ZNF664: variants seen among roughly 807,000 people sequenced by gnomAD.
ZNF664 encodes zinc finger Organ of Corti 1.
In ZNF664, 10 loss-of-function variants were observed where a neutral mutation model predicts 18.2. That is an observed-to-expected ratio of 0.55 (90% CI 0.34 to 0.93). ZNF664 has a LOEUF of 0.93. Among genes scored for constraint, ZNF664 ranks in the 40% least tolerant of loss-of-function variants. ZNF664 has a pLI of 0.02. For missense variants in ZNF664, 193 were observed against 319.0 expected, an observed-to-expected ratio of 0.61 and a Z score of 3.01; for synonymous variants, 119 against 104.2, an observed-to-expected ratio of 1.14 and a Z score of -0.86.
At chr12:123,986,829 A>T (rs1956831039) in intron 2 of ZNF664, among the ~76,000 whole-genome samples, 1 of 152,164 alleles carries the variant, frequency 6.6e-6, no homozygotes, top group Non-Finnish European at 1.5e-5. Context: ...GGAGGAAAAA[A>T]CCTGGCCCAA....
chr12:123,993,757 A>G lies in ZNF664; in HGVS notation c.-661+5619A>G, dbSNP rs192358048. 1.1e-4 allele frequency among the ~76,000 whole-genome samples: 17 copies of G among 152,282 alleles called. No individual in the cohort carries two copies. The East Asian group carries it at 2.9e-3, about 26-fold the overall frequency. On this transcript the variant is annotated intron_variant, in intron 3 of 4. Coordinates refer to ENST00000337815, the MANE Select transcript of ZNF664 (RefSeq NM_152437.3). ...AGGCCTGTAGAAAAAGGCTGAGCAG[A>G]GGTTCTCTTGGAGTTGTTTTATCTG... is the stretch of plus-strand genomic sequence containing the variant.
intron 3 of ZNF664, among the ~76,000 whole-genome samples, chr12:123,993,049 C>T (rs1048562511): frequency 9.2e-5 from 14 of 152,170 alleles, no homozygotes; most frequent in Non-Finnish European, 1.5e-4. Flanking sequence ...GAGGTGCTGT[C>T]GGCTGGAGGA....
intron 2 of ZNF664, among the ~76,000 whole-genome samples, chr12:123,987,046 CTA>C (rs1956833730): frequency 6.6e-6 from 1 of 152,204 alleles, no homozygotes; most frequent in Non-Finnish European, 1.5e-5. Flanking sequence ...CTACAGGACT[CTA>C]TTTCTAATGT....
At chr12:123,974,168 G>C (rs1302424687) in intron 2 of ZNF664, 148 bp downstream of exon 2, 1 of 492,452 alleles carries the variant, frequency 2.0e-6, no homozygotes, top group Non-Finnish European at 3.2e-6. Flanking sequence ...TTCCCGTCCG[G>C]ATCCATCTCT....
chr12:123,989,050 T>G (rs933408572), intron 3 of ZNF664, among the ~76,000 whole-genome samples: 1 of 152,222 alleles, frequency 6.6e-6, no homozygotes, highest in African/African-American at 2.4e-5. Context: ...CCTGGGCTTC[T>G]GCCTTCCCAG....
chr12:123,973,294 G>A lies in ZNF664; in HGVS notation c.-950G>A, dbSNP rs1177044848. 1.0e-5 allele frequency: 10 copies of A among 984,000 alleles called. No homozygotes were observed. Among genetic ancestry groups the A allele is most frequent in the Non-Finnish European group, 1.2e-5 (10 of 829,736 alleles). The allele number at this position is 984,000 out of a possible 1,614,324, so 61.0% of individuals were successfully genotyped here. ...AGGCGCACCTGTGAGGTGTCCCTGA[G>A]GAGAGGGAGGTGGGTGCGCGGCGCC... On this transcript the variant is annotated 5_prime_UTR_variant, in exon 1 of 5. Coordinates refer to ENST00000337815, the MANE Select transcript of ZNF664 (RefSeq NM_152437.3).
At chr12:124,009,740 T>C (rs1403573345) in intron 3 of ZNF664, among the ~76,000 whole-genome samples, 1 of 152,190 alleles carries the variant, frequency 6.6e-6, no homozygotes, top group Non-Finnish European at 1.5e-5. Context: ...GGTCTCAGAC[T>C]CCTAGCCTCA....
At chr12:123,975,133 C>T (rs1479105628) in intron 2 of ZNF664, among the ~76,000 whole-genome samples, 2 of 152,092 alleles carry the variant, frequency 1.3e-5, no homozygotes, top group East Asian at 3.8e-4. Flanking sequence ...CTGTCTGCTC[C>T]ATAGAGTTCA....
intron 1 of ZNF664, 171 bp from the exon 2 acceptor site, chr12:123,973,712 ATTG>A: frequency 1.8e-6 from 2 of 1,119,786 alleles, no homozygotes; most frequent in Non-Finnish European, 2.2e-6. Context: ...GCCAGGCTCC[ATTG>A]TTGTTGGAGC....
intron 3 of ZNF664, among the ~76,000 whole-genome samples, chr12:123,990,926 A>G (rs1028016500): frequency 3.9e-5 from 6 of 152,124 alleles, no homozygotes. Context: ...CTTGTTCCTG[A>G]GGAGGCATGA....
At chr12:123,983,325 A>G (rs1956788201) in intron 2 of ZNF664, among the ~76,000 whole-genome samples, 1 of 152,242 alleles carries the variant, frequency 6.6e-6, no homozygotes. Context: ...TTTTAAAAAT[A>G]TAATTCGTAT....
At chr12:124,003,865 C>G (rs1299172699) in intron 3 of ZNF664, among the ~76,000 whole-genome samples, 2 of 152,178 alleles carry the variant, frequency 1.3e-5, no homozygotes, top group African/African-American at 4.8e-5. Context: ...TAGGGGCACT[C>G]CAGTGCCCAT....
At chr12:123,995,700 C>T (rs1384379679) in intron 3 of ZNF664, among the ~76,000 whole-genome samples, 2 of 152,194 alleles carry the variant, frequency 1.3e-5, no homozygotes, top group Non-Finnish European at 2.9e-5. Context: ...CGTGGAGGAA[C>T]CCAGTAGCGC....
rs1957138800 is a variant in ZNF664 at position 124,011,851 on chromosome 12, A to G, written c.-294A>G. 5 of 1,200,942 alleles carry G rather than the reference A, an allele frequency of 4.2e-6. No homozygotes were observed. The highest frequency in any genetic ancestry group is 5.2e-6 in the Non-Finnish European group (5 of 969,230). 74.4% of individuals were successfully genotyped at this position (1,200,942 alleles called of 1,614,324 possible). On this transcript the variant is annotated 5_prime_UTR_variant, in exon 5 of 5. It removes the in-frame stop codon of an upstream open reading frame in the 5' UTR. Coordinates refer to ENST00000337815, the MANE Select transcript of ZNF664 (RefSeq NM_152437.3). The stretch of plus-strand genomic sequence containing the variant: ...ACTTTGAGAGCCCCTTGGAATGTTG[A>G]CAACTCAGGATCTAAAACAAAGTTC...
chr12:123,973,664 C>A, intron 1 of ZNF664: 1 of 681,084 alleles, frequency 1.5e-6, no homozygotes, highest in Non-Finnish European at 1.9e-6. Context: ...GCGGGCAGGG[C>A]GAGGCCGGGC....
At chr12:124,000,164 C>T (rs909305174) in intron 3 of ZNF664, among the ~76,000 whole-genome samples, 16 of 152,196 alleles carry the variant, frequency 1.1e-4, no homozygotes, top group Admixed American at 5.9e-4. Context: ...TGCCCACCCT[C>T]GATGCTGCTG....
chr12:123,992,967 CAAAG>C (rs943947754), intron 3 of ZNF664, among the ~76,000 whole-genome samples: 2 of 152,140 alleles, frequency 1.3e-5, no homozygotes, highest in African/African-American at 4.8e-5. Context: ...CCCAGAAAGA[CAAAG>C]AAACCCAGAT....
chr12:123,978,623 C>G (rs1323556441), intron 2 of ZNF664, among the ~76,000 whole-genome samples: 5 of 152,046 alleles, frequency 3.3e-5, no homozygotes, highest in Non-Finnish European at 7.4e-5. Flanking sequence ...AATTGAAATC[C>G]CAGTGGGAAT....
intron 1 of ZNF664, 129 bp from the exon 2 acceptor site, chr12:123,973,757 G>A: frequency 8.2e-7 from 1 of 1,224,076 alleles, no homozygotes; most frequent in Non-Finnish European, 1.0e-6. Flanking sequence ...CGCCCTCGTC[G>A]CCCGTGGAGC....
Sources: allele counts gnomAD v4.1 joint callset (sites outside exome capture counted in the v4.1 genomes callset), GRCh38; gene constraint gnomAD v4.1.1; transcripts MANE v1.5; gene names NCBI Gene and HGNC (gene_info 2026-07-23, HGNC 2026-07-21).